Variants in TCF25 observed in about 807,000 individuals in gnomAD.
TCF25 encodes TCF25 ribosome quality control complex subunit.
TCF25 carries 41 observed loss-of-function variants against 83.1 expected under a neutral mutation model. That is an observed-to-expected ratio of 0.49 (90% CI 0.38 to 0.64). The LOEUF is 0.64. Among genes scored for constraint, TCF25 ranks in the 30% least tolerant of loss-of-function variants. TCF25 has a pLI of 0.00. For synonymous variants in TCF25, 458 were observed against 365.0 expected (o/e 1.25, Z -2.90); for missense variants, 979 against 914.5 (o/e 1.07, Z -0.91).
chr16:89,881,943 C>T (rs1450001008), intron 1 of TCF25, among the ~76,000 whole-genome samples: 3 of 151,894 alleles, frequency 2.0e-5, no homozygotes, highest in African/African-American at 4.8e-5. Context: ...TCAGTAGAGA[C>T]GGGATTTCAC....
chr16:89,895,289 A>G, intron 8 of TCF25, 152 bp downstream of exon 8: 1 of 720,540 alleles, frequency 1.4e-6, no homozygotes, highest in Non-Finnish European at 2.2e-6. Flanking sequence ...TTACCCATTT[A>G]AAGTTTTTGT....
At chr16:89,907,192 A>G (rs775320604) in intron 15 of TCF25, 51 bp from the exon 16 acceptor site, 2 of 1,580,040 alleles carry the variant, frequency 1.3e-6, no homozygotes, top group African/African-American at 2.7e-5. Context: ...GGAGAGGTAG[A>G]GGCCCCCTGG....
intron 5 of TCF25, chr16:89,890,264 T>TGGTA (rs1377152251): frequency 6.6e-6 from 1 of 152,350 alleles, no homozygotes; most frequent in East Asian, 1.9e-4. Context: ...CTCACCCCAA[T>TGGTA]GGTAGCATGT....
chr16:89,902,974 C>T (rs908484492), intron 12 of TCF25, among the ~76,000 whole-genome samples: 1 of 152,236 alleles, frequency 6.6e-6, no homozygotes, highest in African/African-American at 2.4e-5. Context: ...ACGTGCCCCC[C>T]AGAGGGGCCT....
chr16:89,909,196 A>G (rs2045335298), intron 16 of TCF25: 2 of 1,235,208 alleles, frequency 1.6e-6, no homozygotes, highest in Admixed American at 5.0e-5. Context: ...CAACATGGCA[A>G]ACCCCGTCTC....
At chr16:89,900,597 A>G in intron 11 of TCF25, 38 bp from the exon 12 acceptor site, 2 of 1,543,510 alleles carry the variant, frequency 1.3e-6, no homozygotes, top group Non-Finnish European at 1.8e-6. Flanking sequence ...TGTCTTTATG[A>G]CTTAAGGCTC....
chr16:89,876,603 C>A (rs2042208941), intron 1 of TCF25, among the ~76,000 whole-genome samples: 1 of 152,036 alleles, frequency 6.6e-6, no homozygotes, highest in Admixed American at 6.6e-5. Flanking sequence ...GCAGCCTGGC[C>A]AACATGGTGA....
rs1224290590 is a variant in TCF25, at chr16:89,910,602, T to C, written c.1811T>C (p.Ile604Thr). 1 of 1,613,598 alleles carries C rather than the reference T, an allele frequency of 6.2e-7. No individual in the cohort carries two copies. Among genetic ancestry groups the C allele is most frequent in the East Asian group, 2.2e-5 (1 of 44,904 alleles). The part of the protein sequence containing the change: ...SYVRPERLSP[I>T]SHGNTIALFF... The stretch of plus-strand genomic sequence containing the variant: ...TGACTTTCTTTCAGGCTAAGTCCTA[T>C]CAGCCATGGAAACACCATTGCTCTC... The change falls in exon 17 of 18, where the codon ATC becomes ACC. Residue 604 changes from isoleucine to threonine, a missense_variant. Coordinates refer to ENST00000263346, the MANE Select transcript of TCF25 (RefSeq NM_014972.3).
chr16:89,909,962 C>G (rs1474140668), intron 16 of TCF25: 1 of 152,536 alleles, frequency 6.6e-6, no homozygotes. Flanking sequence ...CATTGAAAGG[C>G]TTTTTACCTT....
At chr16:89,877,341 C>A (rs1226384417) in intron 1 of TCF25, among the ~76,000 whole-genome samples, 3 of 152,090 alleles carry the variant, frequency 2.0e-5, no homozygotes, top group African/African-American at 7.2e-5. Context: ...GTAGGTGGAA[C>A]TATAAGTGGG....
At position 89,898,478 on chromosome 16, in the gene TCF25, T is replaced by C. The variant is rs1394039564; in HGVS notation, c.1023-79T>C. On this transcript the variant is annotated intron_variant, in intron 9 of 17. Coordinates refer to ENST00000263346, the MANE Select transcript of TCF25 (RefSeq NM_014972.3). ...ACGCTGAGCAGAGGGCGGGGTGGAG[T>C]GGGTGCTGGCCGGGGCGCTGAGCAG... The C allele has an allele frequency of 7.1e-6, 10 of 1,418,312 alleles. No homozygotes were observed. The South Asian group carries it at 1.0e-4, about 15-fold the overall frequency. 87.9% of individuals were successfully genotyped at this position (1,418,312 alleles called of 1,614,324 possible).
intron 1 of TCF25, 62 bp from the exon 2 acceptor site, chr16:89,883,289 T>C: frequency 6.3e-7 from 1 of 1,582,142 alleles, no homozygotes; most frequent in Non-Finnish European, 8.6e-7. Flanking sequence ...ACTATTCATA[T>C]CTCAGCATGA....
At chr16:89,877,916 T>G (rs963067466) in intron 1 of TCF25, among the ~76,000 whole-genome samples, 11 of 152,182 alleles carry the variant, frequency 7.2e-5, no homozygotes, top group Non-Finnish European at 2.9e-5. Flanking sequence ...CTTATCTAAA[T>G]TGACATGTGA....
At chr16:89,899,652 T>G (rs527984139) in intron 11 of TCF25, among the ~76,000 whole-genome samples, 34 of 151,648 alleles carry the variant, frequency 2.2e-4, no homozygotes, top group African/African-American at 8.0e-4. Context: ...CGCTTGAACC[T>G]GGGAGGTGGA....
intron 1 of TCF25, among the ~76,000 whole-genome samples, chr16:89,876,350 G>GGA (rs2042187790): frequency 6.6e-6 from 1 of 152,128 alleles, no homozygotes; most frequent in Non-Finnish European, 1.5e-5. Flanking sequence ...CAGAAGTATG[G>GGA]GAGACAGTAA....
chr16:89,880,241 C>A (rs12930056), intron 1 of TCF25, among the ~76,000 whole-genome samples: 11,496 of 152,286 alleles, frequency 0.075, 644 homozygotes, highest in East Asian at 0.26. Context: ...TCAAACACCT[C>A]AAAATAAGAA....
intron 17 of TCF25, among the ~76,000 whole-genome samples, chr16:89,910,875 C>T (rs1172793288): frequency 6.6e-6 from 1 of 152,248 alleles, no homozygotes; most frequent in Non-Finnish European, 1.5e-5. Context: ...CGTGAGTCAG[C>T]CGGCTTGATC....
intron 16 of TCF25, among the ~76,000 whole-genome samples, chr16:89,907,583 C>T (rs2044983779): frequency 6.8e-6 from 1 of 146,798 alleles, no homozygotes; most frequent in Admixed American, 6.7e-5. Flanking sequence ...TTCTGCCTCC[C>T]TCCTCCCAGT....
chr16:89,890,436 A>AG (rs961240308), intron 5 of TCF25: 63 of 152,226 alleles, frequency 4.1e-4, no homozygotes, highest in African/African-American at 1.5e-3. Context: ...AGTCGACGGT[A>AG]GTGGTTTGGA....
Sources: gnomAD v4.1 joint callset for allele counts (sites outside exome capture counted in the v4.1 genomes callset) on GRCh38, gnomAD v4.1.1 for gene constraint, MANE v1.5 for transcripts, NCBI Gene and HGNC (gene_info 2026-07-23, HGNC 2026-07-21) for gene names.